RNF122: variants seen among roughly 807,000 people sequenced by gnomAD.
RNF122 encodes the protein ring finger protein 122.
RNF122 carries 17 observed loss-of-function variants against 24.2 expected under a neutral mutation model. The ratio of observed to expected loss-of-function variants is 0.70; its 90% CI spans 0.48 to 1.06. RNF122 has a LOEUF of 1.06. Among genes scored for constraint, RNF122 ranks in the 50% least tolerant of loss-of-function variants. RNF122 has a pLI of 0.00. For missense variants in RNF122, 168 were observed against 198.1 expected, an observed-to-expected ratio of 0.85 and a Z score of 0.91; for synonymous variants, 65 against 71.8, an observed-to-expected ratio of 0.91 and a Z score of 0.48.
At chr8:33,555,256 G>A (rs1810435357) in intron 2 of RNF122, among the ~76,000 whole-genome samples, 1 of 152,088 alleles carries the variant, frequency 6.6e-6, no homozygotes, top group East Asian at 1.9e-4. Flanking sequence ...AGGCTGGAGT[G>A]CAATGGCATG....
chr8:33,557,600 C>G (rs1585359775), intron 2 of RNF122, among the ~76,000 whole-genome samples: 1 of 150,178 alleles, frequency 6.7e-6, no homozygotes, highest in African/African-American at 2.5e-5. Context: ...TGCACTCCAG[C>G]CTGGGTGATG....
chr8:33,555,809 T>G (rs1377568532), intron 2 of RNF122, among the ~76,000 whole-genome samples: 3 of 152,158 alleles, frequency 2.0e-5, no homozygotes, highest in Non-Finnish European at 1.5e-5. Flanking sequence ...TACTAAGGAT[T>G]AAGCGAGCTA....
At chr8:33,558,798 T>G in intron 1 of RNF122, 27 bp from the exon 2 acceptor site, 1 of 1,520,544 alleles carries the variant, frequency 6.6e-7, no homozygotes, top group Non-Finnish European at 8.9e-7. Flanking sequence ...AAAAAAATCA[T>G]TAGGGTTGGA....
Position 33,560,079 on chromosome 8 carries a change from C to A in RNF122, c.26-1308G>T, listed in dbSNP as rs147703934. On this transcript the variant is annotated intron_variant, in intron 1 of 5. Coordinates refer to ENST00000256257, the MANE Select transcript of RNF122 (RefSeq NM_024787.3). ...CTGGTCTCGAACTCTTGACCTCAGG[C>A]GATCCACCCACTTTGGCCTCCCATG... 2.1e-3 allele frequency among the ~76,000 whole-genome samples: 316 copies of A among 152,134 alleles called. 2 individuals carry two copies. Among genetic ancestry groups the A allele is most frequent in the Middle Eastern group, 0.01 (3 of 294 alleles).
chr8:33,556,764 T>C (rs1810459058), intron 2 of RNF122, among the ~76,000 whole-genome samples: 1 of 152,194 alleles, frequency 6.6e-6, no homozygotes, highest in Admixed American at 6.5e-5. Context: ...GACCCAACTG[T>C]ACAAGAGGGA....
chr8:33,561,508 C>T (rs1003916734), intron 1 of RNF122, among the ~76,000 whole-genome samples: 26 of 151,886 alleles, frequency 1.7e-4, no homozygotes, highest in African/African-American at 6.3e-4. Flanking sequence ...CTCTCATTTA[C>T]CCCACACGCC....
Position 33,558,785 on chromosome 8 carries a change from G to GA in RNF122, c.26-15dup, listed in dbSNP as rs3832565. 768,537 of 1,446,516 alleles carry GA rather than the reference G, an allele frequency of 0.53. 202,555 individuals carry two copies. Among genetic ancestry groups the GA allele is most frequent in the African/African-American group, 0.81 (55,104 of 68,282 alleles). 89.6% of individuals were successfully genotyped at this position (1,446,516 alleles called of 1,614,324 possible). Reference sequence around the variant, plus strand: ...CACAGAAACACCCTGCAAAGGGAGAGAAAAAAAAATCATTAGGGTTGGAAA... The same window carrying GA: ...CACAGAAACACCCTGCAAAGGGAGAGAAAAAAAAAATCATTAGGGTTGGAAA... On this transcript the variant is annotated splice_polypyrimidine_tract_variant and intron_variant, in intron 1 of 5. Coordinates refer to ENST00000256257, the MANE Select transcript of RNF122 (RefSeq NM_024787.3).
intron 1 of RNF122, among the ~76,000 whole-genome samples, chr8:33,559,488 T>C (rs963250138): frequency 5.9e-5 from 9 of 152,084 alleles, no homozygotes; most frequent in African/African-American, 1.9e-4. Context: ...CTTTGTTATA[T>C]GAAAACAAGC....
intron 2 of RNF122, among the ~76,000 whole-genome samples, chr8:33,554,335 A>G (rs1810418713): frequency 1.3e-5 from 2 of 152,194 alleles, no homozygotes. Context: ...TCTCACCTGC[A>G]ATGTGGCTAT....
Position 33,548,483 on chromosome 8 carries a change from G to T in RNF122, c.*270C>A, listed in dbSNP as rs1362346514. On this transcript the variant is annotated 3_prime_UTR_variant, in exon 6 of 6. Transcript: ENST00000256257. Reference sequence around the variant, plus strand: ...CTTCCCCCAGAACAGGGACAAGGCAGGTAGATAGTCCAGTACCAGGAGACA... The same window carrying T: ...CTTCCCCCAGAACAGGGACAAGGCATGTAGATAGTCCAGTACCAGGAGACA... 5 of 345,130 alleles carry T rather than the reference G, an allele frequency of 1.4e-5. No homozygotes were observed. Among genetic ancestry groups the T allele is most frequent in the Non-Finnish European group, 2.7e-5 (5 of 185,884 alleles). 21.4% of individuals were successfully genotyped at this position (345,130 alleles called of 1,614,324 possible). A position where few individuals can be genotyped will look rare whatever the true frequency, so the allele number is the denominator to read the frequency against.
intron 4 of RNF122, among the ~76,000 whole-genome samples, chr8:33,550,004 G>T (rs528154026): frequency 3.9e-5 from 6 of 151,958 alleles, no homozygotes; most frequent in Admixed American, 2.6e-4. Context: ...TGCAATCTTG[G>T]CTCACTGCAA....
In RNF122 at chr8:33,561,219, C is replaced by T. The variant is rs541879346; in HGVS notation, c.26-2448G>A. ...CTGTACCCAGGCCTTGGGTTCTAGG[C>T]ACTTTCCTGACATCTTGGTTAGGAG... On this transcript the variant is annotated intron_variant, in intron 1 of 5. Transcript: ENST00000256257. Among the ~76,000 whole-genome samples, 10 of 152,324 alleles carry T rather than the reference C, an allele frequency of 6.6e-5. No individual in the cohort carries two copies. The East Asian group carries it at 1.9e-3, about 29-fold the overall frequency.
intron 1 of RNF122, 127 bp downstream of exon 1, chr8:33,566,572 C>T: frequency 1.0e-6 from 1 of 974,578 alleles, no homozygotes; most frequent in Non-Finnish European, 1.6e-6. Flanking sequence ...GACGCCTTCT[C>T]GACTGTCCCA....
chr8:33,548,888 G>A (rs1810329455), intron 5 of RNF122, 21 bp from the exon 6 acceptor site: 2 of 1,541,180 alleles, frequency 1.3e-6, no homozygotes, highest in East Asian at 4.5e-5. Context: ...ATGAGGAATG[G>A]TAATCTCTAA....
chr8:33,548,821 T>A lies in RNF122; in HGVS notation c.400A>T (p.Asn134Tyr), dbSNP rs1216865663. The A allele has an allele frequency of 6.2e-7, 1 of 1,613,926 alleles. No homozygotes were observed. The highest frequency in any genetic ancestry group is 8.5e-7 in the Non-Finnish European group (1 of 1,179,948). ...LEVRCVCPMC[N>Y]KPIASPSEAT... ...TCTGAGGGACTAGCAATGGGCTTGT[T>A]ACACATGGGGCAGACACAGCGAACT... Residue 134 changes from asparagine (N) to tyrosine (Y), a missense_variant, in exon 6 of 6, where the codon AAC (asparagine) becomes TAC (tyrosine). Coordinates refer to ENST00000256257, the MANE Select transcript of RNF122 (RefSeq NM_024787.3).
At chr8:33,556,179 C>CAAA (rs538829399) in intron 2 of RNF122, among the ~76,000 whole-genome samples, 385 of 33,952 alleles carry the variant, frequency 0.011, 15 homozygotes, top group African/African-American at 0.017. Context: ...GACCCTGTCT[C>CAAA]AAAAAAAAAA....
At chr8:33,561,291 T>C (rs1263728548) in intron 1 of RNF122, among the ~76,000 whole-genome samples, 2 of 152,038 alleles carry the variant, frequency 1.3e-5, no homozygotes, top group Non-Finnish European at 2.9e-5. Flanking sequence ...TAATAACCAG[T>C]GCTACTACAA....
chr8:33,561,087 A>G (rs1179767995), intron 1 of RNF122, among the ~76,000 whole-genome samples: 1 of 142,660 alleles, frequency 7.0e-6, no homozygotes, highest in Non-Finnish European at 1.5e-5. Flanking sequence ...TAATCTTTGT[A>G]CTGCCACAGT....
chr8:33,555,414 GC>G (rs1465629576), intron 2 of RNF122, among the ~76,000 whole-genome samples: 3 of 152,098 alleles, frequency 2.0e-5, no homozygotes, highest in Non-Finnish European at 4.4e-5. Context: ...TATTGGTCAG[GC>G]CAGTCTCGAA....
Sources: gnomAD v4.1 joint callset for allele counts (sites outside exome capture counted in the v4.1 genomes callset) on GRCh38, gnomAD v4.1.1 for gene constraint, MANE v1.5 for transcripts, NCBI Gene and HGNC (gene_info 2026-07-23, HGNC 2026-07-21) for gene names.